Variants in THSD7B observed in about 807,000 individuals in gnomAD.
THSD7B encodes thrombospondin type-1 domain-containing protein 7B.
In THSD7B, 138 loss-of-function variants were observed where a neutral mutation model predicts 213.6. The ratio of observed to expected loss-of-function variants is 0.65; its 90% confidence interval spans 0.56 to 0.74. The LOEUF (loss-of-function observed/expected upper bound fraction) is 0.74. Ranked by LOEUF, THSD7B falls within the 30% of genes least tolerant of loss-of-function variation. The pLI, the probability that THSD7B is intolerant of heterozygous loss-of-function variation, is 0.00. For synonymous variants in THSD7B, 742 were observed against 687.0 expected, an observed-to-expected ratio of 1.08 and a Z score of -1.25; for missense variants, 1,931 against 1,991.5, an observed-to-expected ratio of 0.97 and a Z score of 0.58.
chr2:136,962,769 C>T (rs563098703), intron 2 of THSD7B, among the ~76,000 whole-genome samples: 30 of 152,218 alleles, frequency 2.0e-4, no homozygotes, highest in African/African-American at 7.0e-4. Context: ...AAATAATAAA[C>T]ATTTTTCTGT....
intron 15 of THSD7B, among the ~76,000 whole-genome samples, chr2:137,456,273 T>C (rs893079128): frequency 6.6e-6 from 1 of 152,168 alleles, no homozygotes; most frequent in African/African-American, 2.4e-5. Flanking sequence ...TCCAAAGATA[T>C]ACAAATATAT....
intron 1 of THSD7B, among the ~76,000 whole-genome samples, chr2:136,810,689 T>A (rs1682360647): frequency 6.6e-6 from 1 of 152,206 alleles, no homozygotes; most frequent in Non-Finnish European, 1.5e-5. Flanking sequence ...AGGTGTTACA[T>A]CCTTAGTCGT....
chr2:137,390,747 T>G (rs547313790), intron 12 of THSD7B, among the ~76,000 whole-genome samples: 1 of 152,326 alleles, frequency 6.6e-6, no homozygotes, highest in South Asian at 2.1e-4. Context: ...TATGAAGGGA[T>G]GCTGGATTTA....
chr2:137,401,238 G>A (rs1032042077), intron 12 of THSD7B, among the ~76,000 whole-genome samples: 3 of 152,022 alleles, frequency 2.0e-5, no homozygotes, highest in Non-Finnish European at 4.4e-5. Context: ...CAATGGAAGG[G>A]GCCTCTGAAT....
chr2:137,377,309 G>C (rs576447938), intron 12 of THSD7B, among the ~76,000 whole-genome samples: 1 of 152,044 alleles, frequency 6.6e-6, no homozygotes, highest in Non-Finnish European at 1.5e-5. Context: ...CTTAATGGAG[G>C]ATAAAATTTA....
At chr2:136,989,245 C>G (rs1685721976) in intron 2 of THSD7B, among the ~76,000 whole-genome samples, 1 of 151,990 alleles carries the variant, frequency 6.6e-6, no homozygotes, top group Non-Finnish European at 1.5e-5. Flanking sequence ...TTGTCCCCTT[C>G]AAATCTCACG....
intron 12 of THSD7B, among the ~76,000 whole-genome samples, chr2:137,382,632 T>C (rs760417423): frequency 1.3e-5 from 2 of 152,206 alleles, no homozygotes; most frequent in Non-Finnish European, 2.9e-5. Flanking sequence ...GATAGTGGGA[T>C]GGGTGCATTC....
At chr2:137,487,457 A>G (rs1486620302) in intron 15 of THSD7B, among the ~76,000 whole-genome samples, 2 of 149,510 alleles carry the variant, frequency 1.3e-5, no homozygotes, top group East Asian at 3.9e-4. Context: ...AGAAATAACT[A>G]AAATCAGAGC....
intron 3 of THSD7B, among the ~76,000 whole-genome samples, chr2:137,083,953 G>C (rs1360699503): frequency 6.6e-6 from 1 of 152,092 alleles, no homozygotes; most frequent in Admixed American, 6.6e-5. Flanking sequence ...CTTTTTAACT[G>C]TAAAGTGTAT....
At chr2:137,622,336 G>A (rs543098999) in intron 20 of THSD7B, among the ~76,000 whole-genome samples, 1 of 152,078 alleles carries the variant, frequency 6.6e-6, no homozygotes, top group Non-Finnish European at 1.5e-5. Flanking sequence ...AGTTCTTCCA[G>A]CTTTGAGCCT....
chr2:136,794,390 A>G lies in THSD7B; in HGVS notation c.-36+28703A>G, dbSNP rs182417161. On this transcript the variant is annotated intron_variant, in intron 1 of 27. Transcript: ENST00000409968. ...GCCTTAGTTGCATTCCATAAGTTTT[A>G]ATATATTATATTTTTATCTTCATTC... Among the ~76,000 whole-genome samples the G allele has an allele frequency of 2.5e-4, 38 of 151,860 alleles. No individual in the cohort carries two copies. The South Asian group carries it at 3.1e-3, about 12-fold the overall frequency.
At chr2:137,511,899 C>T (rs1679967824) in intron 15 of THSD7B, among the ~76,000 whole-genome samples, 1 of 152,136 alleles carries the variant, frequency 6.6e-6, no homozygotes. Flanking sequence ...TCCTTTGCCA[C>T]CTGCCCTGAA....
chr2:137,114,821 CCT>C (rs145743446), intron 4 of THSD7B, among the ~76,000 whole-genome samples: 2,126 of 152,264 alleles, frequency 0.014, 61 homozygotes, highest in African/African-American at 0.048. Flanking sequence ...GTTTCCAACT[CCT>C]CTCTCTATTC....
chr2:137,278,059 T>G (rs962104978), intron 12 of THSD7B, among the ~76,000 whole-genome samples: 6 of 152,036 alleles, frequency 3.9e-5, no homozygotes, highest in Non-Finnish European at 8.8e-5. Flanking sequence ...TGAAATCAGG[T>G]GGATCAAAGG....
intron 20 of THSD7B, among the ~76,000 whole-genome samples, chr2:137,632,012 G>T (rs1292086376): frequency 1.3e-5 from 2 of 152,116 alleles, no homozygotes; most frequent in Non-Finnish European, 1.5e-5. Context: ...TAATTTTACC[G>T]ATGTAATGAT....
chr2:136,768,072 G>A (rs1681440493), intron 1 of THSD7B, among the ~76,000 whole-genome samples: 1 of 152,142 alleles, frequency 6.6e-6, no homozygotes, highest in African/African-American at 2.4e-5. Context: ...GGTAACGAGA[G>A]GTACCTTTCT....
chr2:136,883,850 A>G (rs1322490675), intron 2 of THSD7B, among the ~76,000 whole-genome samples: 3 of 152,224 alleles, frequency 2.0e-5, no homozygotes, highest in Non-Finnish European at 4.4e-5. Context: ...TAAAATGAAC[A>G]TATAAGTCAC....
At chr2:136,876,654 AG>A (rs1683529875) in intron 1 of THSD7B, among the ~76,000 whole-genome samples, 1 of 152,238 alleles carries the variant, frequency 6.6e-6, no homozygotes, top group Non-Finnish European at 1.5e-5. Flanking sequence ...TTACATTATA[AG>A]TGTGAAATAT....
intron 1 of THSD7B, among the ~76,000 whole-genome samples, chr2:136,802,342 A>C (rs1275983298): frequency 6.6e-6 from 1 of 151,894 alleles, no homozygotes; most frequent in African/African-American, 2.4e-5. Flanking sequence ...ATATGTGTAC[A>C]GTGAAGGCAA....
Sources: allele counts gnomAD v4.1 joint callset (sites outside exome capture counted in the v4.1 genomes callset), GRCh38; gene constraint gnomAD v4.1.1; transcripts MANE v1.5; gene names NCBI Gene and HGNC (gene_info 2026-07-23, HGNC 2026-07-21).